The following TDRD12 variants were observed in gnomAD, a reference collection of about 807,000 sequenced individuals.
The protein encoded by TDRD12 is tudor domain containing 12, also known as putative ATP-dependent RNA helicase TDRD12.
TDRD12 carries 158 observed loss-of-function variants against 133.5 expected under a neutral mutation model. The ratio of observed to expected loss-of-function variants is 1.18; its 90% CI spans 1.04 to 1.35. TDRD12 has a LOEUF of 1.35. Ranked by LOEUF, TDRD12 falls within the 40% of genes most tolerant of loss-of-function variation. The probability of loss-of-function intolerance (pLI) is 0.00; values close to 1 mark genes in which losing one functional copy is unlikely to be tolerated. For synonymous variants in TDRD12, 460 were observed against 477.9 expected, an observed-to-expected ratio of 0.96 and a Z score of 0.49; for missense variants, 1,443 against 1,321.3, an observed-to-expected ratio of 1.09 and a Z score of -1.43.
chr19:32,721,692 T>G (rs1446979051), intron 1 of TDRD12, among the ~76,000 whole-genome samples: 6 of 141,550 alleles, frequency 4.2e-5, no homozygotes, highest in African/African-American at 1.6e-4. Context: ...TTTTATTTTA[T>G]TTTATTTTAT....
At chr19:32,780,138 C>T (rs1418026262) in intron 11 of TDRD12, among the ~76,000 whole-genome samples, 1 of 142,484 alleles carries the variant, frequency 7.0e-6, no homozygotes, top group Non-Finnish European at 1.5e-5. Flanking sequence ...GGCTTGAGTG[C>T]AGCGGTACAA....
chr19:32,744,525 C>CAAAAAAAAAAAA (rs1568454175), intron 4 of TDRD12, among the ~76,000 whole-genome samples: 1 of 105,292 alleles, frequency 9.5e-6, no homozygotes, highest in Non-Finnish European at 1.9e-5. Flanking sequence ...AAAAAAAAAA[C>CAAAAAAAAAAAA]AAAAGAATAT....
At chr19:32,756,017 C>T (rs757309087) in exon 7 of TDRD12, 68 of 1,467,024 alleles carry the variant, frequency 4.6e-5, no homozygotes, top group Non-Finnish European at 5.5e-5. Context: ...GATCTTGTTG[C>T]AAAGAACTAT....
intron 1 of TDRD12, among the ~76,000 whole-genome samples, chr19:32,720,521 A>C (rs1234651129): frequency 9.1e-4 from 3 of 3,280 alleles, no homozygotes; most frequent in African/African-American, 1.9e-3. Context: ...CCACGCCCCC[A>C]CTCCCACCCC....
At chr19:32,760,566 G>C (rs1383650456) in intron 8 of TDRD12, among the ~76,000 whole-genome samples, 1 of 152,190 alleles carries the variant, frequency 6.6e-6, no homozygotes, top group Non-Finnish European at 1.5e-5. Flanking sequence ...GTCCCCTAGA[G>C]ATAAACTCAC....
At chr19:32,802,592 C>G in intron 19 of TDRD12, 64 bp from the exon 20 acceptor site, 1 of 1,504,748 alleles carries the variant, frequency 6.6e-7, no homozygotes, top group Non-Finnish European at 8.9e-7. Flanking sequence ...GCCGTGGGAA[C>G]TGCCGGTTAA....
chr19:32,819,093 G>T (rs2145752625), intron 27 of TDRD12, among the ~76,000 whole-genome samples: 1 of 152,220 alleles, frequency 6.6e-6, no homozygotes, highest in East Asian at 1.9e-4. Context: ...GAGGCAGGAG[G>T]ATTGCTCAAG....
intron 6 of TDRD12, among the ~76,000 whole-genome samples, chr19:32,751,374 G>A (rs906529144): frequency 2.6e-5 from 4 of 152,046 alleles, no homozygotes; most frequent in Non-Finnish European, 4.4e-5. Context: ...TGTGGTGTTT[G>A]CCAGGTTTTT....
intron 21 of TDRD12, among the ~76,000 whole-genome samples, chr19:32,805,318 G>T (rs1971515892): frequency 6.6e-6 from 1 of 150,974 alleles, no homozygotes; most frequent in Non-Finnish European, 1.5e-5. Flanking sequence ...GGGAAGTCAA[G>T]GATTCAGTGA....
chr19:32,788,133 G>GT (rs1970963519), intron 11 of TDRD12, among the ~76,000 whole-genome samples: 1 of 137,500 alleles, frequency 7.3e-6, no homozygotes, highest in Non-Finnish European at 1.6e-5. Context: ...CTTTTTTTTT[G>GT]TTTTTTTGAA....
At chr19:32,749,741 C>T (rs1969767935) in intron 5 of TDRD12, 43 bp from the exon 6 acceptor site, 3 of 1,402,192 alleles carry the variant, frequency 2.1e-6, no homozygotes, top group East Asian at 2.5e-5. Context: ...TTCAAATATA[C>T]TTTTAACATC....
At chr19:32,813,548 A>T (rs1967077688) in intron 24 of TDRD12, 136 bp from the exon 25 acceptor site, 4 of 584,338 alleles carry the variant, frequency 6.8e-6, no homozygotes, top group Non-Finnish European at 1.2e-5. Context: ...AGAGGGGGTG[A>T]TGACCTCTGT....
At chr19:32,756,789 T>TA (rs1380378710) in intron 7 of TDRD12, among the ~76,000 whole-genome samples, 1 of 151,966 alleles carries the variant, frequency 6.6e-6, no homozygotes, top group Non-Finnish European at 1.5e-5. Context: ...TAGACACCTT[T>TA]AAAAAAAAGA....
In TDRD12 at chr19:32,723,076, A is replaced by G. The variant is rs182045093; in HGVS notation, c.24+2980A>G. Among the ~76,000 whole-genome samples, 13 of 152,232 alleles carry G rather than the reference A, an allele frequency of 8.5e-5. No individual in the cohort carries two copies. In the East Asian group the frequency reaches 2.3e-3, roughly 27 times the overall value. On this transcript the variant is annotated intron_variant, in intron 1 of 27. Coordinates refer to ENST00000444215, the Ensembl canonical transcript of TDRD12. Reference sequence around the variant, plus strand: ...TGTATATGGTGCAAGGAATGGATGAAGTTTCATTTCTTTGCACGTGATTAT... The same window carrying G: ...TGTATATGGTGCAAGGAATGGATGAGGTTTCATTTCTTTGCACGTGATTAT...
exon 27 of TDRD12, chr19:32,818,136 C>T (rs769227746): frequency 1.4e-6 from 1 of 702,458 alleles, no homozygotes; most frequent in South Asian, 1.5e-5. Flanking sequence ...GATCATCCAT[C>T]CGAGGAGCAG....
chr19:32,784,473 G>C (rs1192028516), intron 11 of TDRD12, among the ~76,000 whole-genome samples: 2 of 152,126 alleles, frequency 1.3e-5, no homozygotes, highest in Non-Finnish European at 2.9e-5. Flanking sequence ...ACTCTGCCAG[G>C]CTTTGGTGTC....
chr19:32,775,441 C>T (rs147077483), intron 10 of TDRD12, among the ~76,000 whole-genome samples: 79 of 152,244 alleles, frequency 5.2e-4, no homozygotes, highest in African/African-American at 1.7e-3. Context: ...AGCGATCCTC[C>T]GGCCCCAGCC....
intron 25 of TDRD12, among the ~76,000 whole-genome samples, chr19:32,814,037 A>G (rs907043338): frequency 6.6e-6 from 1 of 152,232 alleles, no homozygotes; most frequent in Non-Finnish European, 1.5e-5. Flanking sequence ...ACACACATGC[A>G]GCCGAACAAA....
chr19:32,816,786 G>C (rs758445701), intron 26 of TDRD12, among the ~76,000 whole-genome samples: 2 of 152,190 alleles, frequency 1.3e-5, no homozygotes, highest in African/African-American at 2.4e-5. Context: ...AGAGGGGGAA[G>C]GATCTGTATC....
Sources: allele counts gnomAD v4.1 joint callset (sites outside exome capture counted in the v4.1 genomes callset), GRCh38; gene constraint gnomAD v4.1.1; transcripts MANE v1.5; gene names NCBI Gene and HGNC (gene_info 2026-07-23, HGNC 2026-07-21).